Variants in RBFOX1 observed in about 807,000 individuals in gnomAD.
RBFOX1 encodes the protein RNA binding protein fox-1 homolog 1.
In RBFOX1, 8 loss-of-function variants were observed where a neutral mutation model predicts 57.7. That is an observed-to-expected ratio of 0.14 (90% CI 0.08 to 0.25). RBFOX1 has a LOEUF of 0.25. Among genes scored for constraint, RBFOX1 ranks in the 10% least tolerant of loss-of-function variants. The probability of loss-of-function intolerance (pLI) is 1.00; values close to 1 mark genes in which losing one functional copy is unlikely to be tolerated. For synonymous variants in RBFOX1, 326 were observed against 222.4 expected (o/e 1.47, Z -4.15); for missense variants, 611 against 548.5 (o/e 1.11, Z -1.14).
At chr16:6,832,068 C>G (rs749534482) in intron 3 of RBFOX1, among the ~76,000 whole-genome samples, 28 of 152,260 alleles carry the variant, frequency 1.8e-4, no homozygotes, top group Non-Finnish European at 3.7e-4. Context: ...GCATATTAAT[C>G]AACCATTTGT....
At chr16:6,492,206 C>G (rs1479937229) in intron 2 of RBFOX1, among the ~76,000 whole-genome samples, 1 of 152,130 alleles carries the variant, frequency 6.6e-6, no homozygotes, top group Non-Finnish European at 1.5e-5. Flanking sequence ...GTTGATGAAA[C>G]AGGCATTTTA....
At chr16:7,279,904 G>T (rs1045944869) in intron 4 of RBFOX1, among the ~76,000 whole-genome samples, 1 of 152,194 alleles carries the variant, frequency 6.6e-6, no homozygotes, top group Non-Finnish European at 1.5e-5. Context: ...GGCTCATTAT[G>T]GTCCTGATCA....
chr16:5,289,177 A>T (rs888398515), intron 1 of RBFOX1: 41 of 269,070 alleles, frequency 1.5e-4, no homozygotes, highest in African/African-American at 8.5e-4. Flanking sequence ...CACTGATGTA[A>T]TGAGGCCTCC....
intron 1 of RBFOX1, among the ~76,000 whole-genome samples, chr16:6,117,457 C>T (rs568038084): frequency 2.2e-4 from 34 of 152,306 alleles, no homozygotes; most frequent in Admixed American, 7.8e-4. Context: ...CTGGTGTTGC[C>T]GATGTGATAG....
At chr16:6,477,114 C>T (rs1445340310) in intron 2 of RBFOX1, among the ~76,000 whole-genome samples, 1 of 152,220 alleles carries the variant, frequency 6.6e-6, no homozygotes, top group Non-Finnish European at 1.5e-5. Context: ...AAGTCTTGAA[C>T]CCTTCAAAAT....
At chr16:6,072,831 A>T (rs573035594) in intron 1 of RBFOX1, among the ~76,000 whole-genome samples, 1 of 152,136 alleles carries the variant, frequency 6.6e-6, no homozygotes, top group Non-Finnish European at 1.5e-5. Context: ...ACCCCACTCC[A>T]CATGTCCAAA....
intron 3 of RBFOX1, among the ~76,000 whole-genome samples, chr16:6,981,785 G>A (rs1044389195): frequency 2.6e-5 from 4 of 152,164 alleles, no homozygotes; most frequent in African/African-American, 7.2e-5. Flanking sequence ...CAGGACATGT[G>A]GGAATTGTCA....
intron 4 of RBFOX1, among the ~76,000 whole-genome samples, chr16:7,168,033 G>T (rs890972552): frequency 6.6e-6 from 1 of 152,048 alleles, no homozygotes; most frequent in Non-Finnish European, 1.5e-5. Context: ...TATGAAGCAG[G>T]TTTTTTCCTC....
chr16:5,686,020 AGT>A, intron 3 of RBFOX1, among the ~76,000 whole-genome samples: 1 of 152,192 alleles, frequency 6.6e-6, no homozygotes, highest in Non-Finnish European at 1.5e-5. Context: ...AAGGAATACA[AGT>A]AGGTCTCTTT....
intron 2 of RBFOX1, among the ~76,000 whole-genome samples, chr16:6,527,041 G>T (rs1201477688): frequency 1.3e-5 from 2 of 151,882 alleles, no homozygotes; most frequent in Middle Eastern, 3.4e-3. Context: ...ATTATTAGCC[G>T]CCTCCCAAAA....
intron 3 of RBFOX1, among the ~76,000 whole-genome samples, chr16:6,760,007 T>A (rs2076377581): frequency 2.0e-5 from 3 of 152,192 alleles, no homozygotes; most frequent in Non-Finnish European, 4.4e-5. Flanking sequence ...TTCAAGGGCA[T>A]TAATAGTGAA....
At chr16:7,670,863 A>T (rs1490060655) in intron 13 of RBFOX1, among the ~76,000 whole-genome samples, 1 of 152,194 alleles carries the variant, frequency 6.6e-6, no homozygotes, top group Non-Finnish European at 1.5e-5. Flanking sequence ...TTATGTCAAA[A>T]AACTGCATCC....
At chr16:6,838,310 A>C (rs1246547261) in intron 3 of RBFOX1, among the ~76,000 whole-genome samples, 2 of 152,074 alleles carry the variant, frequency 1.3e-5, no homozygotes, top group East Asian at 3.9e-4. Flanking sequence ...TGGTTTGCTG[A>C]GAATGATGGC....
At chr16:7,488,951 C>G (rs1158643709) in intron 4 of RBFOX1, among the ~76,000 whole-genome samples, 1 of 152,224 alleles carries the variant, frequency 6.6e-6, no homozygotes, top group South Asian at 2.1e-4. Flanking sequence ...TGTCCACTAT[C>G]TATGTATACA....
intron 5 of RBFOX1, among the ~76,000 whole-genome samples, chr16:7,540,260 A>G (rs890165455): frequency 6.6e-6 from 1 of 152,130 alleles, no homozygotes; most frequent in Non-Finnish European, 1.5e-5. Context: ...CCCTCGCTGG[A>G]AACTCCTTGG....
intron 3 of RBFOX1, among the ~76,000 whole-genome samples, chr16:5,703,792 T>C (rs1384933951): frequency 6.6e-6 from 1 of 152,212 alleles, no homozygotes; most frequent in African/African-American, 2.4e-5. Flanking sequence ...TGTGAGTATA[T>C]ATATATGTGT....
At chr16:6,313,595 G>A (rs2080665651) in intron 1 of RBFOX1, among the ~76,000 whole-genome samples, 1 of 152,150 alleles carries the variant, frequency 6.6e-6, no homozygotes, top group Non-Finnish European at 1.5e-5. Flanking sequence ...CCATTTGGAT[G>A]GAGTGCATAG....
In RBFOX1 at chr16:5,972,680, C is replaced by T. The variant is rs189193344; in HGVS notation, c.351+105345C>T. Among the ~76,000 whole-genome samples the T allele has an allele frequency of 8.5e-5, 13 of 152,262 alleles. No individual in the cohort carries two copies. In the East Asian group the frequency reaches 2.3e-3, roughly 27 times the overall value. ...GAACATGTCCTGTTCATTATTTGAC[C>T]TTACGGTGGCTCAGGACCTGCCTGC... On this transcript the variant is annotated intron_variant, in intron 4 of 19. Coordinates refer to the RBFOX1 transcript ENST00000641259.
At chr16:6,290,408 T>G (rs552583393) in intron 1 of RBFOX1, among the ~76,000 whole-genome samples, 4 of 152,098 alleles carry the variant, frequency 2.6e-5, no homozygotes, top group African/African-American at 9.6e-5. Flanking sequence ...AGGAGGGGTA[T>G]GTAGCTTGGA....
Sources: allele counts gnomAD v4.1 joint callset (sites outside exome capture counted in the v4.1 genomes callset), GRCh38; gene constraint gnomAD v4.1.1; transcripts MANE v1.5; gene names NCBI Gene and HGNC (gene_info 2026-07-23, HGNC 2026-07-21).